Variants in EMC1 observed in about 807,000 individuals in gnomAD.
The protein encoded by EMC1 is ER membrane protein complex subunit 1.
A neutral mutation model predicts 128.8 loss-of-function variants in EMC1; 103 were observed. That is an observed-to-expected ratio of 0.80 (90% CI 0.68 to 0.94). EMC1 has a LOEUF of 0.94. EMC1 is among the 40% of genes least tolerant of loss of function. The probability of loss-of-function intolerance (pLI) is 0.00; values close to 1 mark genes in which losing one functional copy is unlikely to be tolerated. For missense variants in EMC1, 1,083 were observed against 1,250.6 expected (o/e 0.87, Z 2.02); for synonymous variants, 442 against 490.4 (o/e 0.90, Z 1.30).
intron 13 of EMC1, among the ~76,000 whole-genome samples, chr1:19,234,671 C>T (rs1341034009): frequency 6.6e-6 from 1 of 152,040 alleles, no homozygotes; most frequent in African/African-American, 2.4e-5. Context: ...CATGCTGAAA[C>T]CCTGTTGCTA....
chr1:19,220,632 C>T, intron 21 of EMC1, 132 bp downstream of exon 21: 1 of 609,452 alleles, frequency 1.6e-6, no homozygotes. Context: ...GTGACTTTTT[C>T]AGACTTGCCC....
chr1:19,233,236 A>G, intron 13 of EMC1, 101 bp from the exon 14 acceptor site: 1 of 1,014,504 alleles, frequency 9.9e-7, no homozygotes, highest in Non-Finnish European at 1.5e-6. Flanking sequence ...CTCTGGAGCA[A>G]TAAAGTCCAC....
At chr1:19,247,795 C>T (rs528988260) in intron 1 of EMC1, among the ~76,000 whole-genome samples, 199 of 152,182 alleles carry the variant, frequency 1.3e-3, no homozygotes, top group South Asian at 1.9e-3. Context: ...GAGGCGGAGG[C>T]GAGCAGATCA....
At chr1:19,240,877 G>A (rs1008554130) in intron 6 of EMC1, 139 bp downstream of exon 6, 2 of 964,456 alleles carry the variant, frequency 2.1e-6, no homozygotes, top group African/African-American at 1.6e-5. Flanking sequence ...TGGGAAGGCA[G>A]CTGGCAAGTG....
At chr1:19,238,221 A>C in intron 10 of EMC1, 82 bp from the exon 11 acceptor site, 1 of 1,533,300 alleles carries the variant, frequency 6.5e-7, no homozygotes. Context: ...GATTGGGGGC[A>C]AATACCCTAG....
chr1:19,219,794 A>C, intron 21 of EMC1, 96 bp from the exon 22 acceptor site: 1 of 1,412,396 alleles, frequency 7.1e-7, no homozygotes, highest in Non-Finnish European at 9.8e-7. Context: ...CAGGCTACAT[A>C]TCTAGCCTCA....
intron 19 of EMC1, chr1:19,223,074 G>A: frequency 1.8e-6 from 1 of 562,704 alleles, no homozygotes; most frequent in South Asian, 2.5e-5. Context: ...CATAATAGTA[G>A]CTAACCTTTG....
intron 1 of EMC1, among the ~76,000 whole-genome samples, chr1:19,246,989 G>A (rs1418253702): frequency 6.6e-6 from 1 of 152,188 alleles, no homozygotes; most frequent in Non-Finnish European, 1.5e-5. Flanking sequence ...CATCAGGGAT[G>A]TGTAAGCACA....
At chr1:19,250,527 T>C (rs2151969283) in intron 1 of EMC1, among the ~76,000 whole-genome samples, 2 of 152,296 alleles carry the variant, frequency 1.3e-5, no homozygotes, top group African/African-American at 4.8e-5. Flanking sequence ...GCATAACAGG[T>C]ACTCAACATA....
chr1:19,247,079 C>T (rs1384393164), intron 1 of EMC1, among the ~76,000 whole-genome samples: 1 of 152,198 alleles, frequency 6.6e-6, no homozygotes, highest in Non-Finnish European at 1.5e-5. Context: ...ACAAAACCTG[C>T]CAATGCCTTG....
Position 19,222,750 on chromosome 1 carries a change from C to A in EMC1, c.2461G>T (p.Ala821Ser). ...TGGGGGCGGTCCAGGGAGCTGAAGG[C>A]GGTGGCGTTGTATTGCTCAGTGCCC... ...YEGTEQYNAT[A>S]FSSLDRPQLP... Residue 821 changes from alanine to serine, a missense_variant, in exon 20 of 23, where the codon GCC (alanine) becomes TCC (serine). By Grantham distance (99) the Ala-to-Ser change is moderately conservative. This residue lies in a region of EMC1 where 527 missense variants were observed against 644.1 expected (regional missense o/e 0.82). Transcript: ENST00000477853. 6.2e-7 allele frequency: 1 copy of A among 1,614,130 alleles called. No homozygotes were observed.
In EMC1 at chr1:19,232,984, A is replaced by T. The variant is rs779742145; in HGVS notation, c.1584T>A (p.Asp528Glu). Residue 528 changes from aspartate (D) to glutamate (E), a missense_variant, in exon 14 of 23, where the codon GAT (aspartate) becomes GAA (glutamate). This residue lies in a region of EMC1 where 527 missense variants were observed against 644.1 expected (regional missense o/e 0.82). Coordinates refer to ENST00000477853, the MANE Select transcript of EMC1 (RefSeq NM_015047.3). ...CCATCATCTTCTGGAGGTTGAATTC[A>T]TCTCTGGCCAGGGTGTCAATGTTGA... Reference protein sequence around the residue: ...NEINIDTLARDEFNLQKMMVM... With the variant: ...NEINIDTLAREEFNLQKMMVM... The T allele has an allele frequency of 6.2e-7, 1 of 1,614,128 alleles. No homozygotes were observed. Among genetic ancestry groups the T allele is most frequent in the South Asian group, 1.1e-5 (1 of 91,078 alleles).
At chr1:19,235,085 T>C (rs1413714187) in intron 13 of EMC1, 45 bp downstream of exon 13, 3 of 1,601,548 alleles carry the variant, frequency 1.9e-6, no homozygotes, top group Admixed American at 3.4e-5. Context: ...ATTTCCAGAC[T>C]GGCCCCTCCA....
intron 15 of EMC1, 86 bp from the exon 16 acceptor site, chr1:19,231,508 A>T: frequency 3.6e-6 from 5 of 1,378,222 alleles, no homozygotes; most frequent in Non-Finnish European, 4.9e-6. Context: ...ACTCCAGCTC[A>T]ACAACTGTGG....
In EMC1 at chr1:19,240,897, A is replaced by C. The variant is rs549633514; in HGVS notation, c.636+119T>G. On this transcript the variant is annotated intron_variant, in intron 6 of 22. Transcript: ENST00000477853. ...AGGCAGCTGGCAAGTGACCAGAATG[A>C]GGGAGCATAAGTAGCTTTTGCATCT... 10 of 1,139,714 alleles carry C rather than the reference A, an allele frequency of 8.8e-6. No homozygotes were observed. The East Asian group carries it at 2.1e-4, about 24-fold the overall frequency. 70.6% of individuals were successfully genotyped at this position (1,139,714 alleles called of 1,614,324 possible).
chr1:19,235,202 A>C lies in EMC1; in HGVS notation c.1360T>G (p.Cys454Gly), dbSNP rs766014351. ...SREESLAEVV[C>G]LEMVDLPLTG... Reference sequence around the variant, plus strand: ...AGGGGGAGGTCCACCATCTCTAGGCACACCACTTCTGCCAGGGACTCCTCA... The same window carrying C: ...AGGGGGAGGTCCACCATCTCTAGGCCCACCACTTCTGCCAGGGACTCCTCA... Residue 454 changes from cysteine to glycine, a missense_variant, in exon 13 of 23, where the codon TGC becomes GGC. Transcript: ENST00000477853. 42 of 1,613,804 alleles carry C rather than the reference A, an allele frequency of 2.6e-5. No homozygotes were observed. Among genetic ancestry groups the C allele is most frequent in the Non-Finnish European group, 3.2e-5 (38 of 1,179,922 alleles).
At chr1:19,247,499 C>T (rs2093636925) in intron 1 of EMC1, among the ~76,000 whole-genome samples, 2 of 152,164 alleles carry the variant, frequency 1.3e-5, no homozygotes, top group African/African-American at 4.8e-5. Context: ...GCTGCTATAA[C>T]ATTGTAGTCG....
Position 19,220,866 on chromosome 1 carries a change from AATGTTC to A in EMC1, c.2588-24_2588-19del, listed in dbSNP as rs779339936. The A allele has an allele frequency of 1.3e-6, 2 of 1,575,726 alleles. No individual in the cohort carries two copies. The highest frequency in any genetic ancestry group is 1.7e-6 in the Non-Finnish European group (2 of 1,146,512). On this transcript the variant is annotated intron_variant, in intron 20 of 22. Transcript: ENST00000477853. ...TAGTCCAACTACACAGGAGGAAGTG[AATGTTC>A]ACACCGATCCAGTGTCCAGCAAGGG... is the stretch of plus-strand genomic sequence containing the variant.
At chr1:19,222,564 G>A in intron 20 of EMC1, 60 bp downstream of exon 20, 6 of 1,460,006 alleles carry the variant, frequency 4.1e-6, no homozygotes, top group Non-Finnish European at 4.8e-6. Context: ...CCCTTGCTCT[G>A]TCCTTAAGTG....
Sources: allele counts gnomAD v4.1 joint callset (sites outside exome capture counted in the v4.1 genomes callset), GRCh38; gene constraint gnomAD v4.1.1; regional missense constraint gnomAD v4.1.1; transcripts MANE v1.5; gene names NCBI Gene and HGNC (gene_info 2026-07-23, HGNC 2026-07-21).